The following HSPA4 variants were observed in gnomAD, a reference collection of about 807,000 sequenced individuals.
The protein encoded by HSPA4 is heat shock protein family A (Hsp70) member 4.
Under a neutral mutation model 106.2 loss-of-function variants are expected in HSPA4, and 25 were observed. The ratio of observed to expected loss-of-function variants is 0.24; its 90% CI spans 0.17 to 0.33. The LOEUF (loss-of-function observed/expected upper bound fraction) is 0.33, where lower values mean the gene tolerates loss of function less well. Ranked by LOEUF, HSPA4 falls within the 10% of genes least tolerant of loss-of-function variation. HSPA4 has a pLI of 1.00. For missense variants in HSPA4, 841 were observed against 996.0 expected (o/e 0.84, Z 2.10); for synonymous variants, 332 against 333.6 (o/e 1.00, Z 0.05).
At position 133,091,186 on chromosome 5, in the gene HSPA4, T is replaced by C. The variant is rs1164623805; in HGVS notation, c.1379-7T>C. On this transcript the variant is annotated splice_polypyrimidine_tract_variant and splice_region_variant and intron_variant, in intron 11 of 18. Coordinates refer to ENST00000304858, the MANE Select transcript of HSPA4 (RefSeq NM_002154.4). ...TATGTGTTCTTTTGTCTCTCGTATG[T>C]CCCTAGCTCAGTTTTCAGTTCAGAA... 8 of 1,611,788 alleles carry C rather than the reference T, an allele frequency of 5.0e-6. No homozygotes were observed. Among genetic ancestry groups the C allele is most frequent in the Non-Finnish European group, 5.9e-6 (7 of 1,178,036 alleles).
At chr5:133,087,596 A>C (rs1428748647) in intron 8 of HSPA4, among the ~76,000 whole-genome samples, 1 of 152,170 alleles carries the variant, frequency 6.6e-6, no homozygotes, top group Non-Finnish European at 1.5e-5. Context: ...TCTGATACGA[A>C]GAAACTGTAC....
chr5:133,066,088 TCTTC>T (rs1368856604), intron 2 of HSPA4, among the ~76,000 whole-genome samples: 7 of 152,268 alleles, frequency 4.6e-5, no homozygotes, highest in South Asian at 2.1e-4. Context: ...TTTTGAAATC[TCTTC>T]CTTCTAAAAT....
chr5:133,079,964 C>A (rs1765493613), intron 7 of HSPA4, among the ~76,000 whole-genome samples: 1 of 152,168 alleles, frequency 6.6e-6, no homozygotes, highest in Non-Finnish European at 1.5e-5. Flanking sequence ...ATAGAACATT[C>A]TTAGCTTTTC....
chr5:133,091,517 A>G (rs147011329), intron 12 of HSPA4, 143 bp downstream of exon 12: 115 of 590,728 alleles, frequency 1.9e-4, no homozygotes, highest in African/African-American at 1.7e-3. Flanking sequence ...CCTTCCCCCA[A>G]TATAAGTGAA....
At chr5:133,065,062 A>G (rs1765290955) in intron 2 of HSPA4, 25 bp downstream of exon 2, 1 of 1,601,020 alleles carries the variant, frequency 6.2e-7, no homozygotes, top group African/African-American at 1.3e-5. Flanking sequence ...TTTTCCTAAA[A>G]TGACTTATTT....
chr5:133,063,299 T>G (rs933265941), intron 1 of HSPA4, among the ~76,000 whole-genome samples: 1 of 150,102 alleles, frequency 6.7e-6, no homozygotes, highest in Non-Finnish European at 1.5e-5. Flanking sequence ...ATTTTTTTTT[T>G]ATAGAGACAG....
intron 13 of HSPA4, among the ~76,000 whole-genome samples, chr5:133,093,241 T>C (rs967393685): frequency 6.6e-6 from 1 of 152,044 alleles, no homozygotes; most frequent in Non-Finnish European, 1.5e-5. Flanking sequence ...ATTTGAACAA[T>C]TTTTTTAGGA....
chr5:133,093,255 T>C (rs73790204), intron 13 of HSPA4, among the ~76,000 whole-genome samples: 3,276 of 152,182 alleles, frequency 0.022, 109 homozygotes, highest in African/African-American at 0.074. Flanking sequence ...TTTAGGAAGA[T>C]TTTGTAGTGA....
Position 133,075,059 on chromosome 5 carries a change from C to T in HSPA4, c.663+933C>T, listed in dbSNP as rs189754007. Among the ~76,000 whole-genome samples the T allele has an allele frequency of 2.6e-5, 4 of 152,220 alleles. 1 individual carries two copies. In the East Asian group the frequency reaches 7.7e-4, roughly 29 times the overall value. ...TGGTAATTTTGGAGGCATTTTGAGA[C>T]TTCATTTGTTATGGTCTTGTTTCTT... is the stretch of plus-strand genomic sequence containing the variant. On this transcript the variant is annotated intron_variant, in intron 6 of 18. Coordinates refer to ENST00000304858, the MANE Select transcript of HSPA4 (RefSeq NM_002154.4).
At chr5:133,053,338 TTTTTTTTTTC>T (rs1289501443) in intron 1 of HSPA4, among the ~76,000 whole-genome samples, 1 of 149,936 alleles carries the variant, frequency 6.7e-6, no homozygotes, top group African/African-American at 2.4e-5. Context: ...CTTTTTTTTT[TTTTTTTTTTC>T]TTTTTTGAGA....
At position 133,052,245 on chromosome 5, in the gene HSPA4, G is replaced by A; in HGVS notation, c.-6G>A. ...CCGGGCCCGAGCCCGAGCAGTAGCC[G>A]GCGCCATGTCGGTGGTGGGCATAGA... On this transcript the variant is annotated 5_prime_UTR_variant, in exon 1 of 19. Transcript: ENST00000304858. The A allele has an allele frequency of 1.3e-6, 2 of 1,578,606 alleles. No individual in the cohort carries two copies. Among genetic ancestry groups the A allele is most frequent in the Non-Finnish European group, 1.7e-6 (2 of 1,165,646 alleles).
intron 13 of HSPA4, among the ~76,000 whole-genome samples, chr5:133,093,647 C>T (rs1456214932): frequency 2.0e-5 from 3 of 152,044 alleles, no homozygotes; most frequent in Non-Finnish European, 4.4e-5. Context: ...TGCACCATCA[C>T]GCCCGGATAA....
intron 7 of HSPA4, among the ~76,000 whole-genome samples, chr5:133,080,893 A>G (rs1338342696): frequency 6.6e-6 from 1 of 152,226 alleles, no homozygotes; most frequent in Non-Finnish European, 1.5e-5. Flanking sequence ...ACTATTTTAA[A>G]GTGTACAATT....
At chr5:133,070,850 C>T (rs544868680) in intron 4 of HSPA4, among the ~76,000 whole-genome samples, 4 of 152,130 alleles carry the variant, frequency 2.6e-5, no homozygotes, top group South Asian at 2.1e-4. Context: ...TGCGGTGAGC[C>T]GAGATCATGC....
At chr5:133,087,012 C>A (rs184249708) in intron 8 of HSPA4, among the ~76,000 whole-genome samples, 154 bp downstream of exon 8, 27 of 152,170 alleles carry the variant, frequency 1.8e-4, no homozygotes, top group Admixed American at 1.4e-3. Context: ...GTATCTTCCC[C>A]CTGCCCAAAG....
Position 133,055,357 on chromosome 5 carries a change from A to G in HSPA4, c.107+3000A>G, listed in dbSNP as rs143709455. On this transcript the variant is annotated intron_variant, in intron 1 of 18. Transcript: ENST00000304858. Reference sequence around the variant, plus strand: ...TTTTTTTGGTAGCGGTTATGGAGGAATGGATTTGGAGCTCATATGTAAAAA... The same window carrying G: ...TTTTTTTGGTAGCGGTTATGGAGGAGTGGATTTGGAGCTCATATGTAAAAA... Among the ~76,000 whole-genome samples the G allele has an allele frequency of 2.8e-3, 342 of 120,348 alleles. 5 individuals carry two copies. Among genetic ancestry groups the G allele is most frequent in the African/African-American group, 0.011 (323 of 29,900 alleles). The allele number at this position is 120,348 out of a possible 152,430, so 79.0% of individuals were successfully genotyped here.
chr5:133,087,996 C>CT (rs1490990587), intron 8 of HSPA4, among the ~76,000 whole-genome samples: 4 of 152,022 alleles, frequency 2.6e-5, no homozygotes, highest in Non-Finnish European at 4.4e-5. Context: ...TGTGATTCTT[C>CT]TTTTTTTTCC....
In HSPA4 at chr5:133,101,618, A is replaced by G. The variant is rs142723786; in HGVS notation, c.2038-141A>G. On this transcript the variant is annotated intron_variant, in intron 16 of 18. Transcript: ENST00000304858. ...CATTCCCCTCCTGAAGTAGCTTCAT[A>G]TTTCCAAAGGCCTGGAGAAATATAT... 586 of 731,154 alleles carry G rather than the reference A, an allele frequency of 8.0e-4. 9 individuals carry two copies. The African/African-American group carries it at 8.7e-3, about 11-fold the overall frequency. The allele number at this position is 731,154 out of a possible 1,614,324, so 45.3% of individuals were successfully genotyped here.
At chr5:133,074,557 C>A (rs1299368856) in intron 6 of HSPA4, among the ~76,000 whole-genome samples, 6 of 152,146 alleles carry the variant, frequency 3.9e-5, no homozygotes, top group Non-Finnish European at 8.8e-5. Context: ...GCATTACAGG[C>A]GTGAGCCACG....
Sources: allele counts gnomAD v4.1 joint callset (sites outside exome capture counted in the v4.1 genomes callset), GRCh38; gene constraint gnomAD v4.1.1; transcripts MANE v1.5; gene names NCBI Gene and HGNC (gene_info 2026-07-23, HGNC 2026-07-21).